Variants in GALNT17 observed in about 807,000 individuals in gnomAD.
The protein encoded by GALNT17 is UDP-GalNAc:polypeptide N-acetylgalactosaminyltransferase-like 3.
GALNT17 carries 29 observed loss-of-function variants against 63.7 expected under a neutral mutation model. The ratio of observed to expected loss-of-function variants is 0.46; its 90% CI spans 0.34 to 0.62. The LOEUF (loss-of-function observed/expected upper bound fraction) is 0.62. GALNT17 is among the 20% of genes least tolerant of loss of function. The pLI, the probability that GALNT17 is intolerant of heterozygous loss-of-function variation, is 0.01. For synonymous variants in GALNT17, 305 were observed against 318.3 expected (o/e 0.96, Z 0.45); for missense variants, 603 against 799.6 (o/e 0.75, Z 2.97).
chr7:71,692,176 A>T (rs958094069), intron 9 of GALNT17, among the ~76,000 whole-genome samples: 2 of 152,120 alleles, frequency 1.3e-5, no homozygotes, highest in Admixed American at 1.3e-4. Context: ...TTCCTGCCTC[A>T]GCTTCCCAAA....
chr7:71,568,847 A>G (rs1789391133), intron 5 of GALNT17, among the ~76,000 whole-genome samples: 1 of 152,212 alleles, frequency 6.6e-6, no homozygotes, highest in Admixed American at 6.5e-5. Flanking sequence ...TTTCTAATTT[A>G]CAATGCATGG....
At chr7:71,383,539 A>G (rs2116326415) in intron 2 of GALNT17, among the ~76,000 whole-genome samples, 1 of 152,214 alleles carries the variant, frequency 6.6e-6, no homozygotes, top group East Asian at 1.9e-4. Flanking sequence ...CCTGGCCTCA[A>G]GCAATCCTCC....
intron 5 of GALNT17, among the ~76,000 whole-genome samples, chr7:71,510,065 C>A (rs12699042): frequency 0.62 from 93,729 of 151,732 alleles, 29,819 homozygotes; most frequent in Non-Finnish European, 0.71. Context: ...CTGCCTTGGT[C>A]TCCCGAGTAG....
chr7:71,240,436 C>G (rs6974446), intron 1 of GALNT17, among the ~76,000 whole-genome samples: 75,204 of 151,914 alleles, frequency 0.5, 19,496 homozygotes, highest in East Asian at 0.81. Context: ...TTGTCTCCCT[C>G]TATTTGGAGT....
Position 71,677,265 on chromosome 7 carries a change from C to T in GALNT17, c.1459C>T (p.His487Tyr). The T allele has an allele frequency of 1.2e-6, 2 of 1,614,040 alleles. No homozygotes were observed. The highest frequency in any genetic ancestry group is 8.5e-7 in the Non-Finnish European group (1 of 1,179,992). ...CTTGGACCAGGGGCCGCTGGAGAACCACACAGCAATATTGTATCCGTGCCA... is the reference window on the plus strand; with the variant it reads ...CTTGGACCAGGGGCCGCTGGAGAACTACACAGCAATATTGTATCCGTGCCA... ...VCLDQGPLEN[H>Y]TAILYPCHGW... The change falls in exon 9 of 11, where the codon CAC becomes TAC. Residue 487 changes from histidine to tyrosine, a missense_variant. Coordinates refer to ENST00000333538, the MANE Select transcript of GALNT17 (RefSeq NM_022479.3).
intron 6 of GALNT17, among the ~76,000 whole-genome samples, chr7:71,650,737 GA>G (rs1790742058): frequency 6.6e-6 from 1 of 152,186 alleles, no homozygotes; most frequent in South Asian, 2.1e-4. Context: ...AATGACAGTA[GA>G]AGGATGGAGG....
chr7:71,565,715 G>A (rs576773221), intron 5 of GALNT17, among the ~76,000 whole-genome samples: 111 of 152,236 alleles, frequency 7.3e-4, no homozygotes, highest in African/African-American at 2.6e-3. Flanking sequence ...ACATCTGGTG[G>A]GGTAGAAGGC....
rs571886772 is a variant in GALNT17 at position 71,601,444 on chromosome 7, C to T, written c.1080+30042C>T. ...TTAGTAGAGAGCAGGGGAGATAGGA[C>T]GGAGACAGAGCTGGGAAGAGAGCAA... On this transcript the variant is annotated intron_variant, in intron 6 of 10. Transcript: ENST00000333538. Among the ~76,000 whole-genome samples, 27 of 151,778 alleles carry T rather than the reference C, an allele frequency of 1.8e-4. No homozygotes were observed. The South Asian group carries it at 1.9e-3, about 11-fold the overall frequency.
intron 9 of GALNT17, among the ~76,000 whole-genome samples, chr7:71,698,054 C>T (rs1791569568): frequency 7.1e-6 from 1 of 141,514 alleles, no homozygotes; most frequent in Non-Finnish European, 1.5e-5. Context: ...ATCTGGGAGG[C>T]AGAGGTTACA....
At chr7:71,518,577 T>A (rs1421274781) in intron 5 of GALNT17, among the ~76,000 whole-genome samples, 2 of 152,208 alleles carry the variant, frequency 1.3e-5, no homozygotes, top group African/African-American at 2.4e-5. Context: ...AGATTGTGAT[T>A]TCCAGAATAT....
intron 1 of GALNT17, among the ~76,000 whole-genome samples, chr7:71,262,727 C>T (rs1261539429): frequency 7.0e-6 from 1 of 143,026 alleles, no homozygotes; most frequent in East Asian, 2.1e-4. Context: ...GTCACCCAGG[C>T]TGGAGTGCAG....
intron 5 of GALNT17, among the ~76,000 whole-genome samples, chr7:71,559,215 G>A (rs1406630708): frequency 1.3e-5 from 2 of 152,048 alleles, no homozygotes; most frequent in Non-Finnish European, 2.9e-5. Flanking sequence ...TGGAACTCTG[G>A]GCATTAAATT....
intron 5 of GALNT17, among the ~76,000 whole-genome samples, chr7:71,456,465 G>A (rs967611175): frequency 4.6e-5 from 7 of 152,036 alleles, no homozygotes; most frequent in African/African-American, 1.7e-4. Context: ...TTGGGAGGCC[G>A]AGGCGGGTGG....
intron 1 of GALNT17, among the ~76,000 whole-genome samples, chr7:71,307,303 T>C (rs1365739805): frequency 6.6e-6 from 1 of 152,126 alleles, no homozygotes; most frequent in East Asian, 1.9e-4. Flanking sequence ...ACACTTGTTA[T>C]TTTGTTTTCT....
chr7:71,305,881 A>G (rs1049751579), intron 1 of GALNT17, among the ~76,000 whole-genome samples: 4 of 152,224 alleles, frequency 2.6e-5, no homozygotes, highest in African/African-American at 7.2e-5. Context: ...GTGGAAAGCC[A>G]CTGGAAGCTT....
intron 6 of GALNT17, among the ~76,000 whole-genome samples, chr7:71,663,293 T>C (rs1307539195): frequency 2.6e-5 from 4 of 152,228 alleles, no homozygotes; most frequent in Non-Finnish European, 5.9e-5. Context: ...TGTATTACCA[T>C]CTTGACAATG....
At chr7:71,138,129 T>C (rs1787821731) in intron 1 of GALNT17, among the ~76,000 whole-genome samples, 1 of 152,076 alleles carries the variant, frequency 6.6e-6, no homozygotes, top group Admixed American at 6.6e-5. Context: ...AGAAGATCAG[T>C]TGAGGCCAGG....
intron 3 of GALNT17, among the ~76,000 whole-genome samples, chr7:71,391,709 A>G (rs893587682): frequency 1.3e-5 from 2 of 151,880 alleles, no homozygotes; most frequent in Middle Eastern, 3.4e-3. Flanking sequence ...CTAGTCTCAA[A>G]CTCCTGGGCT....
chr7:71,324,872 T>A (rs1791678510), intron 1 of GALNT17, among the ~76,000 whole-genome samples: 1 of 152,182 alleles, frequency 6.6e-6, no homozygotes, highest in Non-Finnish European at 1.5e-5. Flanking sequence ...GTGCTTTGTG[T>A]CTAATAGACA....
Sources: gnomAD v4.1 joint callset for allele counts (sites outside exome capture counted in the v4.1 genomes callset) on GRCh38, gnomAD v4.1.1 for gene constraint, MANE v1.5 for transcripts, NCBI Gene and HGNC (gene_info 2026-07-23, HGNC 2026-07-21) for gene names.